Variants in RGS6 observed in about 807,000 individuals in gnomAD.
RGS6 encodes regulator of G-protein signaling 6.
RGS6 carries 30 observed loss-of-function variants against 78.5 expected under a neutral mutation model. The observed-to-expected ratio is 0.38, with a 90% CI of 0.29 to 0.52. The LOEUF is 0.52. Among genes scored for constraint, RGS6 ranks in the 20% least tolerant of loss-of-function variants. RGS6 has a pLI of 0.85. For missense variants in RGS6, 495 were observed against 609.7 expected (o/e 0.81, Z 1.98); for synonymous variants, 206 against 206.0 (o/e 1.00, Z 0.00).
At chr14:72,087,274 G>A (rs903919470) in intron 2 of RGS6, among the ~76,000 whole-genome samples, 4 of 152,030 alleles carry the variant, frequency 2.6e-5, no homozygotes, top group Non-Finnish European at 4.4e-5. Flanking sequence ...AGGATTACAG[G>A]TGCATGCTAC....
At chr14:72,329,860 C>T (rs1237933122) in intron 2 of RGS6, among the ~76,000 whole-genome samples, 4 of 152,100 alleles carry the variant, frequency 2.6e-5, no homozygotes, top group Non-Finnish European at 4.4e-5. Context: ...TGAGAACTGC[C>T]GGGAGACATC....
chr14:72,098,343 C>A (rs2095453590), intron 2 of RGS6, among the ~76,000 whole-genome samples: 1 of 152,324 alleles, frequency 6.6e-6, no homozygotes, highest in Admixed American at 6.5e-5. Flanking sequence ...CTTGCTTTTT[C>A]TCTGTCCCCT....
intron 2 of RGS6, among the ~76,000 whole-genome samples, chr14:72,236,471 G>T (rs1317627083): frequency 1.3e-5 from 2 of 152,154 alleles, no homozygotes; most frequent in Non-Finnish European, 2.9e-5. Context: ...TTTGACAAAT[G>T]CATACACCTG....
intron 1 of RGS6, among the ~76,000 whole-genome samples, chr14:71,956,809 T>C (rs1306851206): frequency 6.6e-6 from 1 of 152,142 alleles, no homozygotes; most frequent in African/African-American, 2.4e-5. Context: ...CAAGGGGAGA[T>C]GCAGGAGTAG....
intron 2 of RGS6, among the ~76,000 whole-genome samples, chr14:72,190,435 G>C (rs1170345949): frequency 6.6e-6 from 1 of 152,180 alleles, no homozygotes; most frequent in Non-Finnish European, 1.5e-5. Context: ...GCTTTTGCTT[G>C]GGCTGGTATC....
chr14:72,081,958 T>G (rs548096946), intron 2 of RGS6, among the ~76,000 whole-genome samples: 30 of 152,216 alleles, frequency 2.0e-4, no homozygotes, highest in African/African-American at 7.0e-4. Context: ...TCTTTTGTCA[T>G]ATTTGTTTTA....
chr14:72,383,213 T>TACACAC (rs1555364567), intron 3 of RGS6, among the ~76,000 whole-genome samples: 22 of 118,338 alleles, frequency 1.9e-4, no homozygotes, highest in African/African-American at 6.3e-4. Flanking sequence ...TATATATATA[T>TACACAC]ACACACAAAC....
At chr14:72,058,394 C>T (rs114610484) in intron 2 of RGS6, among the ~76,000 whole-genome samples, 4,754 of 151,970 alleles carry the variant, frequency 0.031, 101 homozygotes, top group African/African-American at 0.062. Flanking sequence ...GGTCATAAAA[C>T]GATGACAGAA....
intron 12 of RGS6, among the ~76,000 whole-genome samples, chr14:72,489,855 GT>G (rs946348756): frequency 6.6e-6 from 1 of 152,208 alleles, no homozygotes; most frequent in African/African-American, 2.4e-5. Context: ...AACTTCTGTT[GT>G]TTTAACCATT....
At chr14:72,544,209 G>C (rs1015171026) in intron 17 of RGS6, among the ~76,000 whole-genome samples, 1 of 152,226 alleles carries the variant, frequency 6.6e-6, no homozygotes, top group African/African-American at 2.4e-5. Context: ...TGTTGAGATA[G>C]ATACTGGCTG....
intron 2 of RGS6, among the ~76,000 whole-genome samples, chr14:72,091,155 G>T (rs900878973): frequency 2.0e-5 from 3 of 152,120 alleles, no homozygotes; most frequent in Non-Finnish European, 2.9e-5. Context: ...GATCTGCAGT[G>T]CCCTTGCCAT....
chr14:72,120,675 A>G (rs1309676707), intron 2 of RGS6, among the ~76,000 whole-genome samples: 1 of 152,346 alleles, frequency 6.6e-6, no homozygotes, highest in East Asian at 1.9e-4. Flanking sequence ...GGCATACATG[A>G]ATCTCAGAAA....
chr14:71,992,471 C>T (rs1458414587), intron 2 of RGS6, among the ~76,000 whole-genome samples: 1 of 152,200 alleles, frequency 6.6e-6, no homozygotes, highest in Non-Finnish European at 1.5e-5. Context: ...TATTTGCATT[C>T]TGACTTACAC....
At chr14:72,376,396 T>C (rs2084729880) in intron 3 of RGS6, among the ~76,000 whole-genome samples, 1 of 152,224 alleles carries the variant, frequency 6.6e-6, no homozygotes, top group Non-Finnish European at 1.5e-5. Context: ...ATTGTGGACA[T>C]TCTGGAAGAA....
chr14:72,599,919 C>G, the RGS6 span, among the ~76,000 whole-genome samples: 79 of 152,132 alleles, frequency 5.2e-4, no homozygotes, highest in Non-Finnish European at 9.6e-4. Context: ...GCCTCAGCTT[C>G]CATCCACACC....
intron 17 of RGS6, among the ~76,000 whole-genome samples, chr14:72,562,014 C>T (rs1425825080): frequency 2.6e-5 from 4 of 152,328 alleles, no homozygotes; most frequent in South Asian, 2.1e-4. Flanking sequence ...GTCAAGCCCC[C>T]GTCCCTGATC....
the RGS6 span, among the ~76,000 whole-genome samples, chr14:71,914,747 C>T: frequency 4.6e-5 from 7 of 151,848 alleles, no homozygotes; most frequent in East Asian, 2.0e-4. Flanking sequence ...AACTTCTTTA[C>T]GGGACAAAAA....
intron 3 of RGS6, 111 bp downstream of exon 3, chr14:72,352,305 A>T: frequency 1.4e-6 from 1 of 703,352 alleles, no homozygotes; most frequent in South Asian, 2.0e-5. Context: ...AAAATGAAAC[A>T]TTCAGTGTGT....
In RGS6 at chr14:72,559,581, G is replaced by A. The variant is rs561422355; in HGVS notation, c.1423-2836G>A. On this transcript the variant is annotated intron_variant, in intron 17 of 17. Transcript: ENST00000553525. ...GCAAGCTGGCATTTGGTAAATGCGC[G>A]AAAGCAGGAGTGGGGAGAGGGAGAC... 3.2e-3 allele frequency among the ~76,000 whole-genome samples: 494 copies of A among 152,310 alleles called. 3 individuals carry two copies. The highest frequency in any genetic ancestry group is 5.5e-3 in the Non-Finnish European group (376 of 68,032).
Sources: allele counts gnomAD v4.1 joint callset (sites outside exome capture counted in the v4.1 genomes callset), GRCh38; gene constraint gnomAD v4.1.1; transcripts MANE v1.5; gene names NCBI Gene and HGNC (gene_info 2026-07-23, HGNC 2026-07-21).